DENND5A: variants seen among roughly 807,000 people sequenced by gnomAD.
DENND5A encodes DENN domain-containing protein 5A.
A neutral mutation model predicts 140.3 loss-of-function variants in DENND5A; 64 were observed. The observed-to-expected ratio is 0.46, with a 90% confidence interval of 0.37 to 0.56. The LOEUF (loss-of-function observed/expected upper bound fraction) is 0.56. DENND5A is among the 20% of genes least tolerant of loss of function. The pLI, the probability that DENND5A is intolerant of heterozygous loss-of-function variation, is 0.00. For missense variants in DENND5A, 1,292 were observed against 1,593.8 expected (o/e 0.81, Z 3.22); for synonymous variants, 605 against 607.7 (o/e 1.00, Z 0.07).
intron 1 of DENND5A, among the ~76,000 whole-genome samples, chr11:9,257,479 ATTCT>A (rs1424342241): frequency 7.1e-5 from 10 of 140,434 alleles, no homozygotes; most frequent in Non-Finnish European, 7.7e-5. Context: ...CACACACAGT[ATTCT>A]TTTTTTTTTT....
At chr11:9,242,469 A>T (rs1851276181) in intron 1 of DENND5A, 1 of 152,178 alleles carries the variant, frequency 6.6e-6, no homozygotes, top group Non-Finnish European at 1.5e-5. Context: ...TCACTTACAC[A>T]TCTTTGCAAA....
At chr11:9,180,700 C>T (rs1004702176) in intron 6 of DENND5A, 67 bp downstream of exon 6, 26 of 1,496,676 alleles carry the variant, frequency 1.7e-5, no homozygotes, top group South Asian at 2.6e-5. Flanking sequence ...TCATCCCATA[C>T]CTTACTTCAC....
chr11:9,180,926 G>C lies in DENND5A; in HGVS notation c.1296C>G (p.Ala432=), dbSNP rs1055122456. Residue 432 remains alanine (A), a synonymous_variant, in exon 6 of 23, where the codon GCC becomes GCG. Transcript: ENST00000328194. ...PEGNLHCSES[A]SKLKRLRASE... ...AGGCCCGCAGCCTCTTCAGCTTGGA[G>C]GCACTCTCACTGCAATGAAGATTCC... 1 of 1,614,176 alleles carries C rather than the reference G, an allele frequency of 6.2e-7. No homozygotes were observed. Among genetic ancestry groups the C allele is most frequent in the South Asian group, 1.1e-5 (1 of 91,082 alleles).
intron 1 of DENND5A, among the ~76,000 whole-genome samples, chr11:9,252,295 CAAAAA>C (rs11422899): frequency 1.4e-5 from 1 of 69,046 alleles, no homozygotes. Context: ...GACTCCGTCT[CAAAAA>C]AAAAAAAAAA....
At chr11:9,207,528 C>T in intron 2 of DENND5A, 33 bp downstream of exon 2, 1 of 1,521,690 alleles carries the variant, frequency 6.6e-7, no homozygotes, top group Non-Finnish European at 9.1e-7. Flanking sequence ...CATTAGAAAG[C>T]TTTGGGTGTT....
Position 9,180,858 on chromosome 11 carries a change from G to T in DENND5A, c.1364C>A (p.Ser455Tyr), listed in dbSNP as rs2136176393. Residue 455 changes from serine (S) to tyrosine (Y), a missense_variant, in exon 6 of 23, where the codon TCC (serine) becomes TAC (tyrosine). By Grantham distance (144) the Ser-to-Tyr change is moderately radical (BLOSUM62 -2). Coordinates refer to ENST00000328194, the MANE Select transcript of DENND5A (RefSeq NM_015213.4). Reference protein sequence around the residue: ...SDKRNGNIAGSPLHSYELLKE... With the variant: ...SDKRNGNIAGYPLHSYELLKE... ...AAGAAGCTCGTAGGAATGCAAAGGGGAGCCAGCAATGTTCCCATTCCTCTT... is the reference window on the plus strand; with the variant it reads ...AAGAAGCTCGTAGGAATGCAAAGGGTAGCCAGCAATGTTCCCATTCCTCTT... The T allele has an allele frequency of 6.2e-7, 1 of 1,614,202 alleles. No homozygotes were observed. The highest frequency in any genetic ancestry group is 8.5e-7 in the Non-Finnish European group (1 of 1,180,046).
chr11:9,181,335 G>A (rs1252681543), intron 5 of DENND5A, among the ~76,000 whole-genome samples: 2 of 152,150 alleles, frequency 1.3e-5, no homozygotes, highest in East Asian at 1.9e-4. Flanking sequence ...CTGTAAAATG[G>A]AGATAAAGAG....
intron 1 of DENND5A, among the ~76,000 whole-genome samples, chr11:9,260,097 C>T (rs1852128679): frequency 6.7e-6 from 1 of 149,188 alleles, no homozygotes; most frequent in East Asian, 2.0e-4. Context: ...TAAGTTCATA[C>T]AGCACACTGG....
intron 1 of DENND5A, among the ~76,000 whole-genome samples, chr11:9,224,411 T>C (rs1306594601): frequency 6.6e-6 from 1 of 152,172 alleles, no homozygotes; most frequent in Non-Finnish European, 1.5e-5. Flanking sequence ...CAACACCTGC[T>C]TTCTCCCTCT....
intron 1 of DENND5A, among the ~76,000 whole-genome samples, chr11:9,221,265 T>C (rs1156624603): frequency 6.8e-6 from 1 of 147,356 alleles, no homozygotes; most frequent in Non-Finnish European, 1.5e-5. Flanking sequence ...ACCCTGTCTC[T>C]ACTAAAAATA....
intron 3 of DENND5A, among the ~76,000 whole-genome samples, chr11:9,204,622 GGAGGCCAAGGCAGGTGGATCGCTT>G (rs1190444905): frequency 2.6e-5 from 4 of 152,190 alleles, no homozygotes; most frequent in Non-Finnish European, 5.9e-5. Context: ...CAGCATTTTG[GGAGGCCAAGGCAGGTGGATCGCTT>G]GAGGCCAGCA....
At chr11:9,201,216 T>G (rs1849510656) in intron 4 of DENND5A, among the ~76,000 whole-genome samples, 1 of 151,330 alleles carries the variant, frequency 6.6e-6, no homozygotes, top group African/African-American at 2.4e-5. Context: ...AAAAAAAAAT[T>G]TTTTTTTAAT....
At chr11:9,255,730 T>C (rs1320199824) in intron 1 of DENND5A, among the ~76,000 whole-genome samples, 1 of 152,110 alleles carries the variant, frequency 6.6e-6, no homozygotes, top group African/African-American at 2.4e-5. Context: ...CTGGGCATAG[T>C]GGTGCACACC....
rs775128850 is a variant in DENND5A, at chr11:9,193,656, C to A, written c.975G>T (p.Ala325=). The change falls in exon 5 of 23, where the codon GCG becomes GCT. Residue 325 remains alanine, a synonymous_variant. Transcript: ENST00000328194. ...GAAACATGAGAGCTGTAATCGTCTC[C>A]GCCACAGTCATCAGTCTCTGGTAAT... ...SQHYQRLMTV[A]ETITALMFPF... 9.3e-6 allele frequency: 15 copies of A among 1,612,998 alleles called. No individual in the cohort carries two copies. The highest frequency in any genetic ancestry group is 1.3e-5 in the Non-Finnish European group (15 of 1,179,604).
At chr11:9,214,017 C>T (rs1849988695) in intron 1 of DENND5A, among the ~76,000 whole-genome samples, 2 of 152,122 alleles carry the variant, frequency 1.3e-5, no homozygotes, top group African/African-American at 4.8e-5. Flanking sequence ...CTATCCTTTG[C>T]ATATTGGCAT....
chr11:9,143,330 A>T, intron 20 of DENND5A, 73 bp downstream of exon 20: 2 of 1,319,420 alleles, frequency 1.5e-6, no homozygotes, highest in Non-Finnish European at 1.1e-6. Context: ...GAGCATAACA[A>T]GATAATCGGA....
intron 4 of DENND5A, among the ~76,000 whole-genome samples, chr11:9,200,262 T>C (rs1423563343): frequency 6.6e-6 from 1 of 152,248 alleles, no homozygotes; most frequent in Non-Finnish European, 1.5e-5. Flanking sequence ...CTCTGTTCTG[T>C]TCTAAACCAG....
chr11:9,176,886 T>C (rs1256795842), intron 8 of DENND5A: 1 of 456,268 alleles, frequency 2.2e-6, no homozygotes, highest in Non-Finnish European at 4.4e-6. Flanking sequence ...AGGTTGATCA[T>C]ATAATATGAT....
intron 1 of DENND5A, among the ~76,000 whole-genome samples, chr11:9,261,141 G>A (rs548223905): frequency 6.6e-6 from 1 of 152,228 alleles, no homozygotes; most frequent in East Asian, 1.9e-4. Context: ...GTGAGCTACT[G>A]CGCCCAGCCT....
Sources: allele counts gnomAD v4.1 joint callset (sites outside exome capture counted in the v4.1 genomes callset), GRCh38; gene constraint gnomAD v4.1.1; transcripts MANE v1.5; gene names NCBI Gene and HGNC (gene_info 2026-07-23, HGNC 2026-07-21).